The following CCDC102B variants were observed in gnomAD, a reference collection of about 807,000 sequenced individuals.
CCDC102B encodes coiled-coil domain containing 102B.
Under a neutral mutation model 57.4 loss-of-function variants are expected in CCDC102B, and 75 were observed. That is an observed-to-expected ratio of 1.31 (90% CI 1.08 to 1.58). The LOEUF is 1.58. Among genes scored for constraint, CCDC102B ranks in the 40% most tolerant of loss-of-function variants. CCDC102B has a pLI of 0.00. For missense variants in CCDC102B, 636 were observed against 582.6 expected, an observed-to-expected ratio of 1.09 and a Z score of -0.94; for synonymous variants, 206 against 201.9, an observed-to-expected ratio of 1.02 and a Z score of -0.17.
chr18:68,979,415 A>G (rs1021937696), intron 6 of CCDC102B, among the ~76,000 whole-genome samples: 2 of 152,040 alleles, frequency 1.3e-5, no homozygotes, highest in Admixed American at 6.6e-5. Flanking sequence ...AACAGCATGA[A>G]ACAAAAGCTT....
chr18:69,043,171 G>T (rs1302911055), intron 7 of CCDC102B, among the ~76,000 whole-genome samples: 1 of 152,108 alleles, frequency 6.6e-6, no homozygotes. Context: ...TTTTAGATAT[G>T]CATACACATA....
chr18:68,930,631 T>C (rs151278545), intron 6 of CCDC102B, among the ~76,000 whole-genome samples: 84 of 151,994 alleles, frequency 5.5e-4, no homozygotes, highest in African/African-American at 2.0e-3. Context: ...ATAACTACTA[T>C]ACTCTTCACA....
chr18:68,919,356 C>A (rs1481510983), intron 6 of CCDC102B, among the ~76,000 whole-genome samples: 1 of 152,028 alleles, frequency 6.6e-6, no homozygotes, highest in Non-Finnish European at 1.5e-5. Flanking sequence ...GGAATCCAGG[C>A]TTTAACATGG....
At chr18:68,891,304 T>C (rs2040069574) in intron 5 of CCDC102B, among the ~76,000 whole-genome samples, 8 of 152,220 alleles carry the variant, frequency 5.3e-5, no homozygotes, top group Admixed American at 5.2e-4. Context: ...ATTCTGTGGT[T>C]ATGTAATCAA....
intron 3 of CCDC102B, among the ~76,000 whole-genome samples, chr18:68,845,742 C>T (rs2037828535): frequency 6.6e-6 from 1 of 151,652 alleles, no homozygotes; most frequent in African/African-American, 2.4e-5. Context: ...GTTGCTAGTT[C>T]TACAAATAGA....
chr18:69,026,293 C>G (rs2051988075), intron 7 of CCDC102B, among the ~76,000 whole-genome samples: 1 of 151,948 alleles, frequency 6.6e-6, no homozygotes, highest in South Asian at 2.1e-4. Context: ...CGGTGAAAAC[C>G]TGTCTCTACT....
chr18:68,735,388 T>C (rs1416108364), intron 2 of CCDC102B, among the ~76,000 whole-genome samples: 1 of 152,166 alleles, frequency 6.6e-6, no homozygotes, highest in African/African-American at 2.4e-5. Flanking sequence ...GACATTTGCT[T>C]GGGTATATAA....
chr18:68,857,131 T>A (rs1430123498), intron 4 of CCDC102B, among the ~76,000 whole-genome samples: 41 of 60,908 alleles, frequency 6.7e-4, no homozygotes, highest in African/African-American at 2.7e-3. Flanking sequence ...TTATATATTT[T>A]TATATATTAT....
chr18:68,902,150 T>A (rs1334346451), intron 6 of CCDC102B: 4 of 152,212 alleles, frequency 2.6e-5, no homozygotes, highest in African/African-American at 9.7e-5. Context: ...ACCAGAGTTA[T>A]TTTTCATCTT....
intron 2 of CCDC102B, chr18:68,718,242 T>A (rs1306821380): frequency 6.6e-6 from 1 of 152,248 alleles, no homozygotes; most frequent in African/African-American, 2.4e-5. Flanking sequence ...AGTTTGTAAT[T>A]GTGAAAAGCT....
intron 5 of CCDC102B, among the ~76,000 whole-genome samples, chr18:68,887,595 C>T (rs534803708): frequency 6.6e-6 from 1 of 152,264 alleles, no homozygotes; most frequent in East Asian, 1.9e-4. Context: ...TTTGAGTAAT[C>T]GATCCTTTCA....
At chr18:68,992,605 C>T (rs1295454872) in intron 6 of CCDC102B, 1 of 152,372 alleles carries the variant, frequency 6.6e-6, no homozygotes, top group Non-Finnish European at 1.5e-5. Context: ...CTTCTTCCCG[C>T]CCCCATCCCC....
intron 6 of CCDC102B, among the ~76,000 whole-genome samples, chr18:68,981,564 C>T (rs908217329): frequency 6.6e-6 from 1 of 151,970 alleles, no homozygotes; most frequent in African/African-American, 2.4e-5. Context: ...ACAAAAAAAC[C>T]ATGTGTTTAG....
intron 6 of CCDC102B, among the ~76,000 whole-genome samples, chr18:68,922,182 C>T (rs905845333): frequency 3.3e-5 from 5 of 152,098 alleles, no homozygotes; most frequent in Non-Finnish European, 5.9e-5. Flanking sequence ...TCTTATGGCT[C>T]ATATGCACTG....
intron 1 of CCDC102B, among the ~76,000 whole-genome samples, chr18:68,834,613 C>A (rs999024130): frequency 1.1e-4 from 17 of 150,724 alleles, no homozygotes; most frequent in African/African-American, 4.1e-4. Context: ...GGACATATAC[C>A]AATGCTAACA....
At chr18:68,947,867 T>A (rs957959808) in intron 6 of CCDC102B, among the ~76,000 whole-genome samples, 1 of 152,138 alleles carries the variant, frequency 6.6e-6, no homozygotes, top group African/African-American at 2.4e-5. Context: ...ATTTTTAATA[T>A]GAAATGTTTG....
At position 69,006,739 on chromosome 18, in the gene CCDC102B, A is replaced by G. The variant is rs576800446; in HGVS notation, c.1264-4195A>G. Among the ~76,000 whole-genome samples, 14 of 152,196 alleles carry G rather than the reference A, an allele frequency of 9.2e-5. No individual in the cohort carries two copies. In the East Asian group the frequency reaches 2.7e-3, roughly 29 times the overall value. On this transcript the variant is annotated intron_variant, in intron 6 of 7. Coordinates refer to ENST00000360242, the MANE Select transcript of CCDC102B (RefSeq NM_024781.3). ...ATTACAGGCGTCAGCCACTGTGCCCAGCCTGCTTTGAGAATTAAAGAAGAA... is the reference window on the plus strand; with the variant it reads ...ATTACAGGCGTCAGCCACTGTGCCCGGCCTGCTTTGAGAATTAAAGAAGAA...
At chr18:68,972,322 G>A (rs1246074943) in intron 6 of CCDC102B, among the ~76,000 whole-genome samples, 1 of 152,148 alleles carries the variant, frequency 6.6e-6, no homozygotes, top group Non-Finnish European at 1.5e-5. Context: ...CCTTTCTGGT[G>A]GATCTGCATG....
At chr18:68,816,354 A>G (rs1343812164) in intron 1 of CCDC102B, among the ~76,000 whole-genome samples, 1 of 150,834 alleles carries the variant, frequency 6.6e-6, no homozygotes, top group East Asian at 2.0e-4. Context: ...CTCCAGTTTT[A>G]TGGTTTAAAC....
Sources: allele counts gnomAD v4.1 joint callset (sites outside exome capture counted in the v4.1 genomes callset), GRCh38; gene constraint gnomAD v4.1.1; transcripts MANE v1.5; gene names NCBI Gene and HGNC (gene_info 2026-07-23, HGNC 2026-07-21).